Variants in VAV3 observed in about 807,000 individuals in gnomAD.
VAV3 encodes vav guanine nucleotide exchange factor 3.
VAV3 carries 94 observed loss-of-function variants against 131.2 expected under a neutral mutation model. That is an observed-to-expected ratio of 0.72 (90% CI 0.61 to 0.85). The LOEUF (loss-of-function observed/expected upper bound fraction) is 0.85, where lower values mean the gene tolerates loss of function less well. Ranked by LOEUF, VAV3 falls within the 40% of genes least tolerant of loss-of-function variation. The probability of loss-of-function intolerance (pLI) is 0.00; values close to 1 mark genes in which losing one functional copy is unlikely to be tolerated. For synonymous variants in VAV3, 349 were observed against 342.0 expected, an observed-to-expected ratio of 1.02 and a Z score of -0.22; for missense variants, 939 against 1,002.7, an observed-to-expected ratio of 0.94 and a Z score of 0.86.
chr1:107,932,111 C>T (rs1006271975), intron 1 of VAV3, among the ~76,000 whole-genome samples: 2 of 152,216 alleles, frequency 1.3e-5, no homozygotes, highest in African/African-American at 4.8e-5. Flanking sequence ...TCCCCGGCTT[C>T]AGTGGCATGT....
chr1:107,600,475 T>A (rs985979862), intron 24 of VAV3, among the ~76,000 whole-genome samples: 4 of 152,178 alleles, frequency 2.6e-5, no homozygotes, highest in Non-Finnish European at 4.4e-5. Context: ...TGCCCAGATA[T>A]GGAGACGAAA....
Position 107,863,745 on chromosome 1 carries a change from GT to G in VAV3, c.321+11155del, listed in dbSNP as rs564968538. Reference sequence around the variant, plus strand: ...ACATGTATATTAGGAAGGAAATAGAGTTTTTTTAAAAAACTACCCGAAAGAT... The same window carrying G: ...ACATGTATATTAGGAAGGAAATAGAGTTTTTTAAAAAACTACCCGAAAGAT... On this transcript the variant is annotated intron_variant, in intron 2 of 26. Coordinates refer to ENST00000370056, the MANE Select transcript of VAV3 (RefSeq NM_006113.5). Among the ~76,000 whole-genome samples the G allele has an allele frequency of 8.3e-4, 126 of 152,236 alleles. 1 individual carries two copies. The South Asian group carries it at 0.024, about 29-fold the overall frequency.
chr1:107,896,443 T>C (rs962725326), intron 1 of VAV3, among the ~76,000 whole-genome samples: 1 of 152,240 alleles, frequency 6.6e-6, no homozygotes, highest in Admixed American at 6.5e-5. Flanking sequence ...GTACATTCTC[T>C]GTATTTATTG....
chr1:107,837,043 A>C (rs1668509929), intron 2 of VAV3, among the ~76,000 whole-genome samples: 1 of 152,112 alleles, frequency 6.6e-6, no homozygotes, highest in African/African-American at 2.4e-5. Flanking sequence ...ACTCCTCCCT[A>C]ACTGACTCTA....
intron 19 of VAV3, among the ~76,000 whole-genome samples, chr1:107,676,988 T>C (rs961910620): frequency 2.0e-5 from 3 of 152,094 alleles, no homozygotes; most frequent in Non-Finnish European, 4.4e-5. Context: ...AATACCTATA[T>C]AGAAGAAAAT....
intron 15 of VAV3, among the ~76,000 whole-genome samples, chr1:107,729,547 C>A (rs1662089438): frequency 1.3e-5 from 2 of 152,132 alleles, no homozygotes; most frequent in African/African-American, 4.8e-5. Context: ...TGTCCTACGA[C>A]ATGGTGCACT....
intron 15 of VAV3, among the ~76,000 whole-genome samples, chr1:107,732,231 T>C (rs1662287011): frequency 1.3e-5 from 2 of 152,144 alleles, no homozygotes; most frequent in Admixed American, 1.3e-4. Flanking sequence ...AAAATATAAG[T>C]CTTGGGCAGC....
At chr1:107,900,720 T>A (rs943690768) in intron 1 of VAV3, among the ~76,000 whole-genome samples, 4 of 152,188 alleles carry the variant, frequency 2.6e-5, no homozygotes, top group African/African-American at 9.7e-5. Flanking sequence ...ATAGCTATCC[T>A]CACCAGGACA....
intron 2 of VAV3, among the ~76,000 whole-genome samples, chr1:107,847,077 A>G (rs771166933): frequency 3.3e-5 from 5 of 152,200 alleles, no homozygotes; most frequent in Non-Finnish European, 5.9e-5. Context: ...ACAGTCTCTC[A>G]GACCACAGTG....
intron 9 of VAV3, among the ~76,000 whole-genome samples, chr1:107,764,118 CAT>C (rs1664599151): frequency 2.0e-5 from 3 of 148,390 alleles, no homozygotes; most frequent in African/African-American, 2.5e-5. Flanking sequence ...AAAAAAAAAA[CAT>C]GATGTACAAA....
intron 1 of VAV3, among the ~76,000 whole-genome samples, chr1:107,923,951 T>C (rs1229497852): frequency 6.6e-6 from 1 of 152,214 alleles, no homozygotes; most frequent in East Asian, 1.9e-4. Flanking sequence ...ATTTTCATCC[T>C]GGATTTCCCA....
chr1:107,918,995 C>A (rs1348982208), intron 1 of VAV3, among the ~76,000 whole-genome samples: 2 of 150,044 alleles, frequency 1.3e-5, no homozygotes, highest in African/African-American at 2.4e-5. Context: ...GCACGAGCCA[C>A]CCCGCTGGAC....
chr1:107,920,435 A>T (rs1672839590), intron 1 of VAV3, among the ~76,000 whole-genome samples: 1 of 152,152 alleles, frequency 6.6e-6, no homozygotes, highest in Admixed American at 6.5e-5. Flanking sequence ...CCAAACAAAA[A>T]CTTACGGGTG....
chr1:107,816,623 T>C (rs1310116476), intron 2 of VAV3, among the ~76,000 whole-genome samples: 2 of 152,226 alleles, frequency 1.3e-5, no homozygotes, highest in African/African-American at 4.8e-5. Context: ...TTAATGCTTG[T>C]CTCTTGACTC....
intron 17 of VAV3, among the ~76,000 whole-genome samples, chr1:107,698,772 AG>A (rs1048234486): frequency 1.3e-5 from 2 of 152,178 alleles, no homozygotes; most frequent in African/African-American, 4.8e-5. Context: ...GGGAGGCCTC[AG>A]GAAACTTACA....
chr1:107,960,728 C>G (rs1478872668), intron 1 of VAV3, among the ~76,000 whole-genome samples: 1 of 152,112 alleles, frequency 6.6e-6, no homozygotes, highest in East Asian at 1.9e-4. Flanking sequence ...ACTTGGTATT[C>G]CCTCCACCAG....
chr1:107,952,557 A>AATCCATTT (rs1674607338), intron 1 of VAV3, among the ~76,000 whole-genome samples: 1 of 149,860 alleles, frequency 6.7e-6, no homozygotes, highest in Admixed American at 6.7e-5. Context: ...CACATAAATA[A>AATCCATTT]ATCCATTTTG....
At chr1:107,802,837 G>T (rs559290173) in intron 2 of VAV3, among the ~76,000 whole-genome samples, 50 of 150,488 alleles carry the variant, frequency 3.3e-4, no homozygotes, top group South Asian at 1.0e-3. Context: ...GTATTAGGGT[G>T]ATGTTAGCTT....
intron 5 of VAV3, among the ~76,000 whole-genome samples, chr1:107,771,588 A>T (rs1174972939): frequency 6.6e-6 from 1 of 152,164 alleles, no homozygotes; most frequent in Non-Finnish European, 1.5e-5. Context: ...TGAATCACTA[A>T]ATTTCTCTGA....
Sources: allele counts gnomAD v4.1 joint callset (sites outside exome capture counted in the v4.1 genomes callset), GRCh38; gene constraint gnomAD v4.1.1; transcripts MANE v1.5; gene names NCBI Gene and HGNC (gene_info 2026-07-23, HGNC 2026-07-21).